SLC4A4: variants seen among roughly 807,000 people sequenced by gnomAD.
SLC4A4 encodes the protein electrogenic sodium bicarbonate cotransporter 1.
Under a neutral mutation model 111.5 loss-of-function variants are expected in SLC4A4, and 27 were observed. That is an observed-to-expected ratio of 0.24 (90% CI 0.18 to 0.33). SLC4A4 has a LOEUF of 0.33. Ranked by LOEUF, SLC4A4 falls within the 10% of genes least tolerant of loss-of-function variation. The probability of loss-of-function intolerance (pLI) is 1.00; values close to 1 mark genes in which losing one functional copy is unlikely to be tolerated. For missense variants in SLC4A4, 909 were observed against 1,315.5 expected, an observed-to-expected ratio of 0.69 and a Z score of 4.78; for synonymous variants, 443 against 463.4, an observed-to-expected ratio of 0.96 and a Z score of 0.57.
In SLC4A4 at chr4:71,397,627, A is replaced by G. The variant is rs760051430; in HGVS notation, c.781A>G (p.Ile261Val). The G allele has an allele frequency of 1.2e-6, 2 of 1,614,032 alleles. No individual in the cohort carries two copies. Among genetic ancestry groups the G allele is most frequent in the East Asian group, 2.2e-5 (1 of 44,862 alleles). Residue 261 changes from isoleucine (I) to valine (V), a missense_variant, in exon 7 of 26, where the codon ATT (isoleucine) becomes GTT (valine). By Grantham distance (29) the Ile-to-Val change is conservative (BLOSUM62 3). Transcript: ENST00000264485. ...RNLTSSSLND[I>V]SDKPEKDQLK... ...TCTGACTTCCTCCAGTCTGAATGAC[A>G]TTTCTGATAAACCGGAGAAGGACCA...
chr4:71,224,146 G>A (rs1422408529), intron 1 of SLC4A4, among the ~76,000 whole-genome samples: 3 of 152,014 alleles, frequency 2.0e-5, no homozygotes, highest in East Asian at 3.9e-4. Context: ...CCTAAGTCCC[G>A]TCTGGAGCCC....
At position 71,300,476 on chromosome 4, in the gene SLC4A4, G is replaced by A; in HGVS notation, c.254-38894G>A. 8.0e-6 allele frequency: 2 copies of A among 249,256 alleles called. 1 individual carries two copies. Among genetic ancestry groups the A allele is most frequent in the Non-Finnish European group, 1.6e-5 (2 of 121,934 alleles). The allele number at this position is 249,256 out of a possible 1,614,324, so 15.4% of individuals were successfully genotyped here. On this transcript the variant is annotated intron_variant, in intron 3 of 25. Transcript: ENST00000264485. ...ATTTAGCCCTGCCTCAGCACCACAA[G>A]TTCTGCCCATGCTGACAAGCCTTCC...
At chr4:71,375,734 C>A (rs1251181827) in intron 6 of SLC4A4, among the ~76,000 whole-genome samples, 1 of 152,062 alleles carries the variant, frequency 6.6e-6, no homozygotes, top group African/African-American at 2.4e-5. Flanking sequence ...GGCCTATGTA[C>A]AAAATCCAGC....
At position 71,117,063 on chromosome 4, in the gene SLC4A4, A is replaced by G. The variant is rs1196539795; in HGVS notation, c.-2+24271A>G. ...GTGACCATGGCTCACTAAAGCCCCA[A>G]CCTCTTGGGCCCAAGTGATCCTTTC... On this transcript the variant is annotated intron_variant, in intron 2 of 26. Transcript: ENST00000649996. Among the ~76,000 whole-genome samples, 4 of 152,066 alleles carry G rather than the reference A, an allele frequency of 2.6e-5. No homozygotes were observed. In the East Asian group the frequency reaches 7.7e-4, roughly 29 times the overall value.
chr4:71,131,320 A>G (rs1743696480), intron 2 of SLC4A4, among the ~76,000 whole-genome samples: 1 of 152,198 alleles, frequency 6.6e-6, no homozygotes, highest in African/African-American at 2.4e-5. Flanking sequence ...TGGTTCTTTT[A>G]TAACAGCAGA....
intron 2 of SLC4A4, among the ~76,000 whole-genome samples, chr4:71,240,965 A>G (rs1030882090): frequency 3.2e-4 from 49 of 151,892 alleles, no homozygotes; most frequent in Admixed American, 3.1e-3. Context: ...AGAGAAATAA[A>G]AAAAAAAATA....
rs539704205 is a variant in SLC4A4 at position 71,497,433 on chromosome 4, C to G, written c.1975-68C>G. 74 of 1,285,700 alleles carry G rather than the reference C, an allele frequency of 5.8e-5. 1 individual carries two copies. The South Asian group carries it at 9.0e-4, about 16-fold the overall frequency. 79.6% of individuals were successfully genotyped at this position (1,285,700 alleles called of 1,614,324 possible). The stretch of plus-strand genomic sequence containing the variant: ...TTTTGGTATAATTCCTATAGCTCAT[C>G]AAGTATCAAAGGCTGCTTTTTATAT... On this transcript the variant is annotated intron_variant, in intron 15 of 25. Coordinates refer to ENST00000264485, the MANE Select transcript of SLC4A4 (RefSeq NM_001098484.3).
chr4:71,566,207 AT>A (rs1253780576), intron 24 of SLC4A4, among the ~76,000 whole-genome samples: 1 of 151,536 alleles, frequency 6.6e-6, no homozygotes, highest in East Asian at 2.0e-4. Context: ...ACCCCTATTA[AT>A]GGGGTTTGGT....
chr4:71,161,552 A>G (rs1358135606), intron 2 of SLC4A4, among the ~76,000 whole-genome samples: 1 of 152,178 alleles, frequency 6.6e-6, no homozygotes, highest in Admixed American at 6.6e-5. Flanking sequence ...CTACATGTGT[A>G]TTCATTTAAT....
At chr4:71,396,257 C>T (rs546372526) in intron 6 of SLC4A4, among the ~76,000 whole-genome samples, 5 of 152,138 alleles carry the variant, frequency 3.3e-5, no homozygotes, top group Non-Finnish European at 7.4e-5. Context: ...AGATCTAGGC[C>T]ATGCTTACTT....
In SLC4A4 at chr4:71,497,589, T is replaced by G; in HGVS notation, c.2063T>G (p.Phe688Cys). ...GGNLVGNNCN[F>C]VPDITLMSFI... ...AACCTCGTCGGGAACAACTGTAATT[T>G]TGTTCCTGATATCACACTCATGTCT... The change falls in exon 16 of 26, where the codon TTT becomes TGT. Residue 688 changes from phenylalanine (F) to cysteine (C), a missense_variant. Phe to Cys is a radical substitution (Grantham distance 205). Coordinates refer to ENST00000264485, the MANE Select transcript of SLC4A4 (RefSeq NM_001098484.3). 6.2e-7 allele frequency: 1 copy of G among 1,613,688 alleles called. No homozygotes were observed. Among genetic ancestry groups the G allele is most frequent in the Non-Finnish European group, 8.5e-7 (1 of 1,179,770 alleles).
intron 1 of SLC4A4, among the ~76,000 whole-genome samples, chr4:71,088,959 T>C (rs879317434): frequency 2.0e-5 from 3 of 152,108 alleles, no homozygotes; most frequent in Non-Finnish European, 4.4e-5. Flanking sequence ...CCTGCCTTGC[T>C]AGATTGGGGA....
rs537023895 is a variant in SLC4A4, at chr4:71,540,498, C to G, written c.2443-5852C>G. Among the ~76,000 whole-genome samples the G allele has an allele frequency of 3.3e-5, 5 of 152,216 alleles. No homozygotes were observed. In the South Asian group the frequency reaches 1.0e-3, roughly 32 times the overall value. Reference sequence around the variant, plus strand: ...ACCGTTTGGTTTGTATTCATGGAAACAAGAAGTCTTTTAAACTTTAAAGGG... The same window carrying G: ...ACCGTTTGGTTTGTATTCATGGAAAGAAGAAGTCTTTTAAACTTTAAAGGG... On this transcript the variant is annotated intron_variant, in intron 18 of 25. Coordinates refer to ENST00000264485, the MANE Select transcript of SLC4A4 (RefSeq NM_001098484.3).
intron 2 of SLC4A4, among the ~76,000 whole-genome samples, chr4:71,149,376 T>C (rs1227910778): frequency 6.6e-6 from 1 of 152,066 alleles, no homozygotes; most frequent in Admixed American, 6.6e-5. Context: ...CTGATATGAT[T>C]TTGGGGCATT....
At position 71,223,178 on chromosome 4, in the gene SLC4A4, C is replaced by CT. The variant is rs1178320255; in HGVS notation, c.-1-13385dup. ...TTTGTTTTTGTTTTGCACTGATACT[C>CT]TTTTTTTTTTTTTCTGAGACCAAGC... On this transcript the variant is annotated intron_variant, in intron 1 of 25. Coordinates refer to ENST00000264485, the MANE Select transcript of SLC4A4 (RefSeq NM_001098484.3). Among the ~76,000 whole-genome samples, 623 of 144,564 alleles carry CT rather than the reference C, an allele frequency of 4.3e-3. 2 individuals are homozygous for CT. Among genetic ancestry groups the CT allele is most frequent in the African/African-American group, 0.01 (401 of 39,792 alleles). The allele number at this position is 144,564 out of a possible 152,430, so 94.8% of individuals were successfully genotyped here.
In SLC4A4 at chr4:71,445,367, A is replaced by G. The variant is rs554725256; in HGVS notation, c.966-2279A>G. ...TTTTGGCTTTGTTGCTATATAGTCA[A>G]CCTGATAATTAACTCATTATCAGTG... is the stretch of plus-strand genomic sequence containing the variant. On this transcript the variant is annotated intron_variant, in intron 8 of 25. Coordinates refer to ENST00000264485, the MANE Select transcript of SLC4A4 (RefSeq NM_001098484.3). Among the ~76,000 whole-genome samples the G allele has an allele frequency of 7.2e-5, 11 of 152,274 alleles. No individual in the cohort carries two copies. The South Asian group carries it at 2.1e-3, about 29-fold the overall frequency.
chr4:71,222,069 A>G (rs1718778755), intron 1 of SLC4A4, among the ~76,000 whole-genome samples: 1 of 152,148 alleles, frequency 6.6e-6, no homozygotes, highest in Non-Finnish European at 1.5e-5. Context: ...AGGAAGTATC[A>G]CTCTATTGCT....
chr4:71,113,907 A>T (rs1743170441), intron 2 of SLC4A4, among the ~76,000 whole-genome samples: 1 of 152,222 alleles, frequency 6.6e-6, no homozygotes, highest in African/African-American at 2.4e-5. Flanking sequence ...AAACAAAGTA[A>T]TTAGTAGTTA....
intron 6 of SLC4A4, among the ~76,000 whole-genome samples, chr4:71,366,214 A>G (rs186743647): frequency 2.5e-4 from 38 of 152,298 alleles, no homozygotes; most frequent in South Asian, 1.2e-3. Context: ...ATTTGAACAT[A>G]TGATGTTGCA....
Sources: gnomAD v4.1 joint callset for allele counts (sites outside exome capture counted in the v4.1 genomes callset) on GRCh38, gnomAD v4.1.1 for gene constraint, MANE v1.5 for transcripts, NCBI Gene and HGNC (gene_info 2026-07-23, HGNC 2026-07-21) for gene names.